The following GTF2E2 variants were observed in gnomAD, a reference collection of about 807,000 sequenced individuals.
GTF2E2 encodes transcription initiation factor IIE subunit beta.
Under a neutral mutation model 40.5 loss-of-function variants are expected in GTF2E2, and 21 were observed. The ratio of observed to expected loss-of-function variants is 0.52; its 90% CI spans 0.37 to 0.75. GTF2E2 has a LOEUF of 0.75. Among genes scored for constraint, GTF2E2 ranks in the 30% least tolerant of loss-of-function variants. The pLI is 0.00. For synonymous variants in GTF2E2, 117 were observed against 121.6 expected, an observed-to-expected ratio of 0.96 and a Z score of 0.25; for missense variants, 298 against 338.4, an observed-to-expected ratio of 0.88 and a Z score of 0.94.
intron 3 of GTF2E2, among the ~76,000 whole-genome samples, chr8:30,634,137 T>A (rs1467816891): frequency 2.0e-5 from 3 of 152,202 alleles, no homozygotes; most frequent in African/African-American, 7.2e-5. Flanking sequence ...AATCCCGCTT[T>A]AATAAATTTA....
In GTF2E2 at chr8:30,578,877, C is replaced by T; in HGVS notation, c.*44G>A. The T allele has an allele frequency of 7.3e-6, 7 of 960,436 alleles. No individual in the cohort carries two copies. The highest frequency in any genetic ancestry group is 1.2e-5 in the Non-Finnish European group (7 of 583,224). The allele number at this position is 960,436 out of a possible 1,614,324, so 59.5% of individuals were successfully genotyped here. A position where few individuals can be genotyped will look rare whatever the true frequency, so the allele number is the denominator to read the frequency against. ...GACCCCGAGCATCAGCAAGAACACTCTTGATTGTGTATCTGTAACTCTGTT... is the reference window on the plus strand; with the variant it reads ...GACCCCGAGCATCAGCAAGAACACTTTTGATTGTGTATCTGTAACTCTGTT... On this transcript the variant is annotated 3_prime_UTR_variant, in exon 8 of 8. Coordinates refer to ENST00000355904, the MANE Select transcript of GTF2E2 (RefSeq NM_002095.6).
rs556690462 is a variant in GTF2E2, at chr8:30,590,232, T to G, written c.644-9836A>C. Among the ~76,000 whole-genome samples, 358 of 152,344 alleles carry G rather than the reference T, an allele frequency of 2.3e-3. 1 individual carries two copies. The highest frequency in any genetic ancestry group is 8.3e-3 in the African/African-American group (344 of 41,572). On this transcript the variant is annotated intron_variant, in intron 6 of 7. Transcript: ENST00000355904. ...GGCTTCCCTCATGAGGCACGATGCCTCTGAGATTCATCCATGTTGTTGGAA... is the reference window on the plus strand; with the variant it reads ...GGCTTCCCTCATGAGGCACGATGCCGCTGAGATTCATCCATGTTGTTGGAA...
Position 30,658,180 on chromosome 8 carries a change from G to A in GTF2E2, c.-212C>T, listed in dbSNP as rs1200643159. 1.6e-5 allele frequency: 3 copies of A among 193,214 alleles called. No individual in the cohort carries two copies. Among genetic ancestry groups the A allele is most frequent in the African/African-American group, 2.4e-5 (1 of 41,688 alleles). 12.0% of individuals were successfully genotyped at this position (193,214 alleles called of 1,614,324 possible). A position where few individuals can be genotyped will look rare whatever the true frequency, so the allele number is the denominator to read the frequency against. On this transcript the variant is annotated 5_prime_UTR_variant, in exon 1 of 8. Transcript: ENST00000355904. ...CGGCGGCAGCGGCGGTAGCTGAGGC[G>A]GCGACTGGACCCGGGACTCCGCCCG...
chr8:30,598,746 A>G lies in GTF2E2; in HGVS notation c.643+8311T>C, dbSNP rs145055799. Among the ~76,000 whole-genome samples the G allele has an allele frequency of 1.8e-4, 28 of 152,374 alleles. No individual in the cohort carries two copies. The East Asian group carries it at 5.4e-3, about 29-fold the overall frequency. Reference sequence around the variant, plus strand: ...GTATTTTAGAGGTACAATCTCACAGAATCTCAAATTTAATTACTTTTTAAA... The same window carrying G: ...GTATTTTAGAGGTACAATCTCACAGGATCTCAAATTTAATTACTTTTTAAA... On this transcript the variant is annotated intron_variant, in intron 6 of 7. Coordinates refer to ENST00000355904, the MANE Select transcript of GTF2E2 (RefSeq NM_002095.6).
chr8:30,647,120 A>G (rs16877246), intron 2 of GTF2E2, among the ~76,000 whole-genome samples: 257 of 152,188 alleles, frequency 1.7e-3, no homozygotes, highest in African/African-American at 5.9e-3. Flanking sequence ...GTAAGGTTTG[A>G]AAACAAATAT....
chr8:30,611,972 T>A (rs1054822960), intron 5 of GTF2E2, among the ~76,000 whole-genome samples: 1 of 152,192 alleles, frequency 6.6e-6, no homozygotes. Context: ...GAACATCTAC[T>A]AGTATTATAG....
chr8:30,581,412 C>T (rs888649639), intron 6 of GTF2E2, among the ~76,000 whole-genome samples: 8 of 152,156 alleles, frequency 5.3e-5, no homozygotes, highest in Admixed American at 4.6e-4. Context: ...TTCCTTTTCC[C>T]CTTTTCCTTC....
At chr8:30,595,131 T>C (rs989822406) in intron 6 of GTF2E2, among the ~76,000 whole-genome samples, 14 of 152,212 alleles carry the variant, frequency 9.2e-5, no homozygotes, top group Non-Finnish European at 1.6e-4. Flanking sequence ...GTGGTTGACC[T>C]AGGTTTACAA....
chr8:30,629,952 C>T (rs1801394680), intron 3 of GTF2E2, among the ~76,000 whole-genome samples: 1 of 151,988 alleles, frequency 6.6e-6, no homozygotes, highest in African/African-American at 2.4e-5. Context: ...AAATAAAGTA[C>T]ACACTTAATT....
intron 6 of GTF2E2, among the ~76,000 whole-genome samples, chr8:30,594,674 A>G (rs1157207402): frequency 3.3e-5 from 5 of 152,044 alleles, no homozygotes; most frequent in African/African-American, 4.8e-5. Context: ...CCCAACCAAC[A>G]TGAAGAAATC....
chr8:30,639,561 ATC>A (rs1352031387), intron 2 of GTF2E2, among the ~76,000 whole-genome samples: 1 of 152,196 alleles, frequency 6.6e-6, no homozygotes, highest in Non-Finnish European at 1.5e-5. Context: ...TAACAAGATT[ATC>A]TTCGTGGCTC....
chr8:30,616,626 G>A (rs1379714250), intron 3 of GTF2E2, among the ~76,000 whole-genome samples: 1 of 151,910 alleles, frequency 6.6e-6, no homozygotes, highest in Admixed American at 6.6e-5. Context: ...ACCACTAAGG[G>A]TGAACTCATG....
chr8:30,633,734 C>T (rs551627195), intron 3 of GTF2E2, among the ~76,000 whole-genome samples: 2 of 152,244 alleles, frequency 1.3e-5, no homozygotes, highest in Admixed American at 1.3e-4. Context: ...TCTGGGTATT[C>T]CCACCATTAG....
At chr8:30,636,826 C>A (rs1801617671) in intron 2 of GTF2E2, 10 of 313,416 alleles carry the variant, frequency 3.2e-5, no homozygotes, top group South Asian at 2.4e-4. Context: ...GCACTCCAGC[C>A]TGGCAACAGA....
At chr8:30,583,876 G>A (rs982188464) in intron 6 of GTF2E2, among the ~76,000 whole-genome samples, 10 of 151,892 alleles carry the variant, frequency 6.6e-5, no homozygotes, top group African/African-American at 2.2e-4. Flanking sequence ...TGCGATCTCG[G>A]CTCACTGCAA....
At chr8:30,582,199 G>C (rs1016946384) in intron 6 of GTF2E2, among the ~76,000 whole-genome samples, 2 of 151,966 alleles carry the variant, frequency 1.3e-5, no homozygotes, top group Non-Finnish European at 2.9e-5. Flanking sequence ...GGGGGTGGGG[G>C]GTTGTGTAGA....
At chr8:30,649,430 C>A (rs1004291657) in intron 2 of GTF2E2, among the ~76,000 whole-genome samples, 1 of 151,542 alleles carries the variant, frequency 6.6e-6, no homozygotes, top group African/African-American at 2.4e-5. Context: ...CAAACAAAAA[C>A]CAAAACAGAA....
chr8:30,645,476 A>C, intron 2 of GTF2E2: 2 of 1,535,626 alleles, frequency 1.3e-6, no homozygotes, highest in Non-Finnish European at 1.7e-6. Context: ...GCTTTCCTTT[A>C]TGAAGTGCTT....
chr8:30,608,589 A>T (rs924981951), intron 5 of GTF2E2, among the ~76,000 whole-genome samples: 1 of 152,240 alleles, frequency 6.6e-6, no homozygotes, highest in African/African-American at 2.4e-5. Context: ...AAAAGGTGAT[A>T]ACTACAGGAT....
Sources: allele counts gnomAD v4.1 joint callset (sites outside exome capture counted in the v4.1 genomes callset), GRCh38; gene constraint gnomAD v4.1.1; transcripts MANE v1.5; gene names NCBI Gene and HGNC (gene_info 2026-07-23, HGNC 2026-07-21).